Variants in TMEM50B observed in about 807,000 individuals in gnomAD.
TMEM50B encodes the protein transmembrane protein 50B.
Under a neutral mutation model 23.4 loss-of-function variants are expected in TMEM50B, and 14 were observed. The ratio of observed to expected loss-of-function variants is 0.60; its 90% CI spans 0.39 to 0.93. TMEM50B has a LOEUF of 0.93. Among genes scored for constraint, TMEM50B ranks in the 40% least tolerant of loss-of-function variants. TMEM50B has a pLI of 0.00. For synonymous variants in TMEM50B, 64 were observed against 62.3 expected (o/e 1.03, Z -0.13); for missense variants, 159 against 193.0 (o/e 0.82, Z 1.04).
intron 5 of TMEM50B, among the ~76,000 whole-genome samples, chr21:33,458,385 G>C (rs1020757033): frequency 6.6e-6 from 1 of 152,120 alleles, no homozygotes; most frequent in Non-Finnish European, 1.5e-5. Context: ...GTGGTGGCAT[G>C]CACCTGCAGT....
At chr21:33,457,108 G>A (rs2084175968) in intron 5 of TMEM50B, among the ~76,000 whole-genome samples, 1 of 151,154 alleles carries the variant, frequency 6.6e-6, no homozygotes, top group Admixed American at 6.6e-5. Flanking sequence ...TACAAAATTA[G>A]CCAAGTGTGG....
intron 1 of TMEM50B, chr21:33,479,010 C>CCCCTGCCCCTCCGCA (rs2084401032): frequency 1.1e-4 from 39 of 341,764 alleles, no homozygotes; most frequent in South Asian, 8.4e-4. Context: ...AGGCCTCCGC[C>CCCCTGCCCCTCCGCA]CCCTGCCCCT....
At chr21:33,460,621 G>T in intron 4 of TMEM50B, 116 bp from the exon 5 acceptor site, 5 of 423,394 alleles carry the variant, frequency 1.2e-5, no homozygotes, top group Admixed American at 4.2e-5. Context: ...ATCAAAGATA[G>T]TCATATATTT....
intron 1 of TMEM50B, among the ~76,000 whole-genome samples, chr21:33,470,592 C>T (rs1004701438): frequency 3.3e-5 from 5 of 150,844 alleles, no homozygotes; most frequent in African/African-American, 1.2e-4. Context: ...AAAAAATTAG[C>T]TGGGCATGAT....
intron 6 of TMEM50B, 48 bp from the exon 7 acceptor site, chr21:33,450,911 G>A (rs932432283): frequency 2.7e-6 from 4 of 1,499,962 alleles, no homozygotes; most frequent in Non-Finnish European, 3.7e-6. Flanking sequence ...GATGGAACAA[G>A]CAACACAGAA....
intron 7 of TMEM50B, among the ~76,000 whole-genome samples, chr21:33,443,621 G>C (rs1028094708): frequency 1.3e-5 from 2 of 152,158 alleles, no homozygotes; most frequent in African/African-American, 4.8e-5. Flanking sequence ...TCCTGCCACA[G>C]AAAAATAGTA....
At chr21:33,458,331 T>C (rs1288468257) in intron 5 of TMEM50B, among the ~76,000 whole-genome samples, 2 of 152,100 alleles carry the variant, frequency 1.3e-5, no homozygotes, top group Admixed American at 6.5e-5. Context: ...CTGACCAATA[T>C]GGTGAAACCC....
In TMEM50B at chr21:33,455,874, A is replaced by G. The variant is rs549292810; in HGVS notation, c.374-90T>C. On this transcript the variant is annotated intron_variant, in intron 5 of 6. Coordinates refer to ENST00000542230, the MANE Select transcript of TMEM50B (RefSeq NM_006134.7). ...TGCCATTCATAATGATACATTTTGT[A>G]TATTACAACATACTGCTATTATTCA... 7 of 880,586 alleles carry G rather than the reference A, an allele frequency of 7.9e-6. No homozygotes were observed. In the Admixed American group the frequency reaches 9.2e-5, roughly 12 times the overall value. The allele number at this position is 880,586 out of a possible 1,614,324, so 54.5% of individuals were successfully genotyped here.
chr21:33,466,241 ACAGAGTAAGACTCTGT>A (rs1484041155), intron 3 of TMEM50B, among the ~76,000 whole-genome samples: 2 of 152,298 alleles, frequency 1.3e-5, no homozygotes, highest in East Asian at 1.9e-4. Context: ...AGCCCAAACA[ACAGAGTAAGACTCTGT>A]CTCAAAAACA....
chr21:33,452,519 G>A (rs144906336), intron 6 of TMEM50B, among the ~76,000 whole-genome samples: 21 of 152,290 alleles, frequency 1.4e-4, no homozygotes, highest in African/African-American at 4.8e-4. Flanking sequence ...CTCACAAGTC[G>A]AGTAGAGAAA....
intron 6 of TMEM50B, 66 bp downstream of exon 6, chr21:33,455,661 G>A: frequency 7.7e-7 from 1 of 1,302,454 alleles, no homozygotes; most frequent in Non-Finnish European, 1.1e-6. Flanking sequence ...CCATATATAT[G>A]CTGCCTTAAT....
intron 4 of TMEM50B, among the ~76,000 whole-genome samples, chr21:33,461,204 G>T (rs1352154525): frequency 1.3e-5 from 2 of 152,152 alleles, no homozygotes; most frequent in Non-Finnish European, 2.9e-5. Flanking sequence ...AAGCTCCACT[G>T]AAGTAAAAAT....
chr21:33,458,291 A>G (rs905145846), intron 5 of TMEM50B, among the ~76,000 whole-genome samples: 1 of 152,198 alleles, frequency 6.6e-6, no homozygotes, highest in African/African-American at 2.4e-5. Context: ...AGGTGGGTGG[A>G]TCACCTGAGG....
At chr21:33,441,093 A>G (rs4817568) in intron 7 of TMEM50B, among the ~76,000 whole-genome samples, 88,593 of 150,576 alleles carry the variant, frequency 0.59, 27,906 homozygotes, top group East Asian at 0.82. Flanking sequence ...AGCCCAGCGC[A>G]GTGGCAGGTG....
At chr21:33,434,181 G>A (rs906179695) in intron 8 of TMEM50B, among the ~76,000 whole-genome samples, 2 of 152,168 alleles carry the variant, frequency 1.3e-5, no homozygotes, top group Admixed American at 1.3e-4. Context: ...TGAGGACACG[G>A]TCAGGACATT....
intron 1 of TMEM50B, among the ~76,000 whole-genome samples, chr21:33,478,450 G>A (rs937647632): frequency 5.3e-5 from 8 of 152,056 alleles, no homozygotes; most frequent in Admixed American, 6.6e-5. Context: ...CCTGGTCAAC[G>A]AGGGAGACTC....
downstream of TMEM50B, among the ~76,000 whole-genome samples, chr21:33,446,516 CG>C (rs2084056677): frequency 6.6e-6 from 1 of 151,106 alleles, no homozygotes; most frequent in Non-Finnish European, 1.5e-5. Flanking sequence ...GGAGTACAGG[CG>C]AGAGCCGCTG....
At chr21:33,438,153 G>A (rs2083975812) in intron 8 of TMEM50B, among the ~76,000 whole-genome samples, 1 of 151,930 alleles carries the variant, frequency 6.6e-6, no homozygotes, top group Non-Finnish European at 1.5e-5. Context: ...TCGTGGTGGT[G>A]CACACCCGTA....
At chr21:33,436,300 G>T (rs2083950224) in intron 8 of TMEM50B, among the ~76,000 whole-genome samples, 1 of 151,876 alleles carries the variant, frequency 6.6e-6, no homozygotes, top group South Asian at 2.1e-4. Flanking sequence ...TTGCACTCCA[G>T]CCTGGGCAAC....
Sources: gnomAD v4.1 joint callset for allele counts (sites outside exome capture counted in the v4.1 genomes callset) on GRCh38, gnomAD v4.1.1 for gene constraint, MANE v1.5 for transcripts, NCBI Gene and HGNC (gene_info 2026-07-23, HGNC 2026-07-21) for gene names.